Variants in GMIP observed in about 807,000 individuals in gnomAD.
GMIP encodes GEM-interacting protein.
In GMIP, 54 loss-of-function variants were observed where a neutral mutation model predicts 105.3. The observed-to-expected ratio is 0.51, with a 90% CI of 0.41 to 0.64. GMIP has a LOEUF of 0.64. Among genes scored for constraint, GMIP ranks in the 30% least tolerant of loss-of-function variants. GMIP has a pLI of 0.00. For missense variants in GMIP, 1,110 were observed against 1,319.4 expected (o/e 0.84, Z 2.46); for synonymous variants, 541 against 560.8 (o/e 0.96, Z 0.50).
rs572368114 is a variant in GMIP at position 19,631,154 on chromosome 19, T to C, written c.2473-617A>G. The stretch of plus-strand genomic sequence containing the variant: ...AGGTGGAGATTGCAGTGAGCTCAGA[T>C]CATGCCCCTGCACTCCAGTCTGGGT... On this transcript the variant is annotated intron_variant, in intron 19 of 20. Coordinates refer to ENST00000203556, the MANE Select transcript of GMIP (RefSeq NM_016573.4). 1.4e-4 allele frequency among the ~76,000 whole-genome samples: 22 copies of C among 152,160 alleles called. 1 individual carries two copies. The South Asian group carries it at 4.6e-3, about 32-fold the overall frequency.
At position 19,641,992 on chromosome 19, in the gene GMIP, G is replaced by T; in HGVS notation, c.164C>A (p.Thr55Asn). ...CCCACTCACAACAGTGGCTGTAGGG[G>T]TCTTGTCAGGTTCTGGGTCTTCTGA... ...LLSEDPEPDKTPTATVTNEAS... is the reference protein window; with the variant it reads ...LLSEDPEPDKNPTATVTNEAS... The change falls in exon 3 of 21, where the codon ACC (threonine) becomes AAC (asparagine). Residue 55 changes from threonine to asparagine, a missense_variant. Transcript: ENST00000203556. 1 of 1,613,236 alleles carries T rather than the reference G, an allele frequency of 6.2e-7. No homozygotes were observed. Among genetic ancestry groups the T allele is most frequent in the Non-Finnish European group, 8.5e-7 (1 of 1,179,212 alleles).
In GMIP at chr19:19,633,896, T is replaced by A; in HGVS notation, c.2379A>T (p.Pro793=). ...SSQPPPPHLD[P]DSQPPVLASD... is the part of the protein sequence containing the mutation. Reference sequence around the variant, plus strand: ...AGGCTAGGACTGGGGGCTGGGAGTCTGGGTCAAGGTGCGGGGGTGGCGGTT... The same window carrying A: ...AGGCTAGGACTGGGGGCTGGGAGTCAGGGTCAAGGTGCGGGGGTGGCGGTT... Residue 793 remains proline (P), a synonymous_variant, in exon 19 of 21, where the codon CCA becomes CCT. Transcript: ENST00000203556. The A allele has an allele frequency of 7.4e-7, 1 of 1,359,606 alleles. No individual in the cohort carries two copies. The highest frequency in any genetic ancestry group is 9.5e-7 in the Non-Finnish European group (1 of 1,047,338). The allele number at this position is 1,359,606 out of a possible 1,614,324, so 84.2% of individuals were successfully genotyped here. A position where few individuals can be genotyped will look rare whatever the true frequency, so the allele number is the denominator to read the frequency against.
intron 19 of GMIP, among the ~76,000 whole-genome samples, chr19:19,632,051 G>A (rs1450144094): frequency 6.6e-6 from 1 of 151,994 alleles, no homozygotes; most frequent in African/African-American, 2.4e-5. Flanking sequence ...AGCACTTTGG[G>A]AGGCTGAGGA....
rs181484364 is a variant in GMIP, at chr19:19,630,531, T to C, written c.2479A>G (p.Thr827Ala). 55 of 1,613,694 alleles carry C rather than the reference T, an allele frequency of 3.4e-5. No homozygotes were observed. Among genetic ancestry groups the C allele is most frequent in the Non-Finnish European group, 4.4e-5 (52 of 1,179,730 alleles). ...TCCTCTCTCTGGTCACTCTGTGGAG[T>C]TGGAATCTGCAGGGAGAAACCCAAG... ...HPTATPTEIPTPQSDQREDVA... is the reference protein window; with the variant it reads ...HPTATPTEIPAPQSDQREDVA... The change falls in exon 20 of 21, where the codon ACT (threonine) becomes GCT (alanine). Residue 827 changes from threonine (T) to alanine (A), a missense_variant. Thr to Ala is a moderately conservative substitution (Grantham distance 58). This residue lies in a region of GMIP where 394 missense variants were observed against 450.5 expected (regional missense o/e 0.87). Transcript: ENST00000203556. The surrounding 1 kb of genome is among the most constrained non-coding windows in gnomAD (Gnocchi z 4.8).
rs1188052680 is a variant in GMIP, at chr19:19,635,381, G to A, written c.1560+34C>T. On this transcript the variant is annotated intron_variant, in intron 15 of 20. Coordinates refer to ENST00000203556, the MANE Select transcript of GMIP (RefSeq NM_016573.4). The surrounding 1 kb of genome is among the most constrained non-coding windows in gnomAD (Gnocchi z 4.7). Reference sequence around the variant, plus strand: ...AGGTCAGGGAGATGATCAAGGGTCAGCAAAGGTCATTTGGTCATTAACCCA... The same window carrying A: ...AGGTCAGGGAGATGATCAAGGGTCAACAAAGGTCATTTGGTCATTAACCCA... 18 of 1,600,120 alleles carry A rather than the reference G, an allele frequency of 1.1e-5. No homozygotes were observed. The East Asian group carries it at 4.0e-4, about 36-fold the overall frequency.
chr19:19,630,050 C>T lies in GMIP; in HGVS notation c.2826G>A (p.Arg942=). The T allele has an allele frequency of 6.2e-7, 1 of 1,609,218 alleles. No homozygotes were observed. Among genetic ancestry groups the T allele is most frequent in the Non-Finnish European group, 8.5e-7 (1 of 1,178,110 alleles). Reference sequence around the variant, plus strand: ...CCTCGCTGTCCAATTTCGAGAGTAGCCGGGCTGTCTCCTGGGTAATCTCAA... The same window carrying T: ...CCTCGCTGTCCAATTTCGAGAGTAGTCGGGCTGTCTCCTGGGTAATCTCAA... ...KHFEITQETA[R]LLSKLDSEAV... Residue 942 remains arginine, a synonymous_variant, in exon 21 of 21, where the codon CGG becomes CGA. Transcript: ENST00000203556. The surrounding 1 kb of genome is among the most constrained non-coding windows in gnomAD (Gnocchi z 4.8).
At chr19:19,631,029 C>T (rs149289162) in intron 19 of GMIP, among the ~76,000 whole-genome samples, 5 of 152,084 alleles carry the variant, frequency 3.3e-5, no homozygotes, top group Non-Finnish European at 5.9e-5. Flanking sequence ...GGTGAAACTC[C>T]GTCTCTACTA....
At position 19,629,532 on chromosome 19, in the gene GMIP, T is replaced by G; in HGVS notation, c.*431A>C. On this transcript the variant is annotated 3_prime_UTR_variant, in exon 21 of 21. Coordinates refer to ENST00000203556, the MANE Select transcript of GMIP (RefSeq NM_016573.4). Reference sequence around the variant, plus strand: ...CCTCAGGCACCACCAGCATGTGGAGTCTGAGCTGCCCACCTCCTCCAGGAA... The same window carrying G: ...CCTCAGGCACCACCAGCATGTGGAGGCTGAGCTGCCCACCTCCTCCAGGAA... 1 of 180,988 alleles carries G rather than the reference T, an allele frequency of 5.5e-6. No homozygotes were observed. Among genetic ancestry groups the G allele is most frequent in the Non-Finnish European group, 1.2e-5 (1 of 85,048 alleles). The allele number at this position is 180,988 out of a possible 1,614,324, so 11.2% of individuals were successfully genotyped here. A position where few individuals can be genotyped will look rare whatever the true frequency, so the allele number is the denominator to read the frequency against.
intron 7 of GMIP, 107 bp from the exon 8 acceptor site, chr19:19,638,589 CTA>C: frequency 2.3e-6 from 2 of 866,534 alleles, no homozygotes; most frequent in Non-Finnish European, 3.5e-6. Context: ...CCTCTGGACT[CTA>C]TTTTTTTTTT....
At position 19,635,397 on chromosome 19, in the gene GMIP, C is replaced by T. The variant is rs768702480; in HGVS notation, c.1560+18G>A. The stretch of plus-strand genomic sequence containing the variant: ...CAAGGGTCAGCAAAGGTCATTTGGT[C>T]ATTAACCCAGGCCACACCTCCTCAC... On this transcript the variant is annotated intron_variant, in intron 15 of 20. Coordinates refer to ENST00000203556, the MANE Select transcript of GMIP (RefSeq NM_016573.4). This position sits in a 1 kb window ranked among gnomAD's most constrained non-coding sequence, Gnocchi z 4.7. 6.2e-7 allele frequency: 1 copy of T among 1,605,726 alleles called. No homozygotes were observed. Among genetic ancestry groups the T allele is most frequent in the East Asian group, 2.2e-5 (1 of 44,816 alleles).
In GMIP at chr19:19,634,766, T is replaced by TC. The variant is rs746723218; in HGVS notation, c.1887+25dup. On this transcript the variant is annotated intron_variant, in intron 17 of 20. Transcript: ENST00000203556. This position sits in a 1 kb window ranked among gnomAD's most constrained non-coding sequence, Gnocchi z 6.1. ...GGGCTGTGGAGGGCTCCTGCCCGCG[T>TC]CCCCCTCAGTGTCCTGAGCACCAAC... 1.9e-6 allele frequency: 3 copies of TC among 1,611,992 alleles called. No individual in the cohort carries two copies. Among genetic ancestry groups the TC allele is most frequent in the Middle Eastern group, 1.7e-4 (1 of 6,056 alleles).
Position 19,635,405 on chromosome 19 carries a change from C to G in GMIP, c.1560+10G>C, listed in dbSNP as rs2304129. ...AGCAAAGGTCATTTGGTCATTAACC[C>G]AGGCCACACCTCCTCACACTCCGTC... On this transcript the variant is annotated intron_variant, in intron 15 of 20. Transcript: ENST00000203556. The surrounding 1 kb of genome is among the most constrained non-coding windows in gnomAD (Gnocchi z 4.7). 101,492 of 1,607,232 alleles carry G rather than the reference C, an allele frequency of 0.063. 4,485 individuals carry two copies. The highest frequency in any genetic ancestry group is 0.21 in the East Asian group (9,438 of 44,826).
rs1030883828 is a variant in GMIP, at chr19:19,635,229, C to T, written c.1561-16G>A. Reference sequence around the variant, plus strand: ...TCAGAAAGCACTGTGGGGAAGGTCACAGGGACAGGGAGGTCATTAGGGACC... The same window carrying T: ...TCAGAAAGCACTGTGGGGAAGGTCATAGGGACAGGGAGGTCATTAGGGACC... On this transcript the variant is annotated splice_polypyrimidine_tract_variant and intron_variant, in intron 15 of 20. Coordinates refer to ENST00000203556, the MANE Select transcript of GMIP (RefSeq NM_016573.4). This position sits in a 1 kb window ranked among gnomAD's most constrained non-coding sequence, Gnocchi z 4.7. 2 of 1,604,590 alleles carry T rather than the reference C, an allele frequency of 1.2e-6. No homozygotes were observed. Among genetic ancestry groups the T allele is most frequent in the East Asian group, 2.2e-5 (1 of 44,614 alleles).
chr19:19,642,628 G>A lies in GMIP; in HGVS notation c.20-9C>T, dbSNP rs751681823. 6 of 1,533,656 alleles carry A rather than the reference G, an allele frequency of 3.9e-6. No individual in the cohort carries two copies. Among genetic ancestry groups the A allele is most frequent in the South Asian group, 2.3e-5 (2 of 88,622 alleles). On this transcript the variant is annotated splice_polypyrimidine_tract_variant and intron_variant, in intron 1 of 20. Transcript: ENST00000203556. ...AGGACCTGGGGGGAGTCCTAGGGGA[G>A]GGGAGTGTAATACATGGGCTAACCA... is the stretch of plus-strand genomic sequence containing the variant.
rs1424639213 is a variant in GMIP at position 19,637,679 on chromosome 19, G to A, written c.928-118C>T. The A allele has an allele frequency of 1.1e-6, 1 of 936,824 alleles. No homozygotes were observed. The highest frequency in any genetic ancestry group is 1.5e-6 in the Non-Finnish European group (1 of 652,362). 58.0% of individuals were successfully genotyped at this position (936,824 alleles called of 1,614,324 possible). On this transcript the variant is annotated intron_variant, in intron 10 of 20. Transcript: ENST00000203556. The surrounding 1 kb of genome is among the most constrained non-coding windows in gnomAD (Gnocchi z 6.7). ...TGGTCAGGGTTTGGGACGCACCTGG[G>A]CGGCTTAGGAACTAGGGCAGTCGGC...
chr19:19,629,871 CG>C lies in GMIP; in HGVS notation c.*91del. 1 of 1,267,272 alleles carries C rather than the reference CG, an allele frequency of 7.9e-7. No individual in the cohort carries two copies. The allele number at this position is 1,267,272 out of a possible 1,614,324, so 78.5% of individuals were successfully genotyped here. A position where few individuals can be genotyped will look rare whatever the true frequency, so the allele number is the denominator to read the frequency against. On this transcript the variant is annotated 3_prime_UTR_variant, in exon 21 of 21. Transcript: ENST00000203556. ...ACCTCTCCCAGCATTGAACTCCTGGCGGGGTGTTTGGCCACTAGGTGGTGGG... is the reference window on the plus strand; with the variant it reads ...ACCTCTCCCAGCATTGAACTCCTGGCGGGTGTTTGGCCACTAGGTGGTGGG...
In GMIP at chr19:19,629,917, C is replaced by A; in HGVS notation, c.*46G>T. The A allele has an allele frequency of 5.8e-6, 9 of 1,563,640 alleles. No individual in the cohort carries two copies. The highest frequency in any genetic ancestry group is 7.8e-6 in the Non-Finnish European group (9 of 1,155,008). ...GGTGGGAGGTAGGGATATATGGGTC[C>A]GTCTTCACAATCTGGGCCTCTTCCT... On this transcript the variant is annotated 3_prime_UTR_variant, in exon 21 of 21. Transcript: ENST00000203556.
rs2061850352 is a variant in GMIP at position 19,635,988 on chromosome 19, G to A, written c.1328-267C>T. ...GGAAGCTGAGGCAGGAGGATCACAT[G>A]AGGCAAGGAGTTTGACACCAGCCTG... is the stretch of plus-strand genomic sequence containing the variant. On this transcript the variant is annotated intron_variant, in intron 13 of 20. Transcript: ENST00000203556. This position sits in a 1 kb window ranked among gnomAD's most constrained non-coding sequence, Gnocchi z 4.7. 6.6e-6 allele frequency among the ~76,000 whole-genome samples: 1 copy of A among 152,062 alleles called. No homozygotes were observed. The highest frequency in any genetic ancestry group is 6.6e-5 in the Admixed American group (1 of 15,252).
Position 19,637,478 on chromosome 19 carries a change from C to A in GMIP, c.1011G>T (p.Ala337=). Residue 337 remains alanine (A), a synonymous_variant, in exon 11 of 21, where the codon GCG becomes GCT. Coordinates refer to ENST00000203556, the MANE Select transcript of GMIP (RefSeq NM_016573.4). This position sits in a 1 kb window ranked among gnomAD's most constrained non-coding sequence, Gnocchi z 6.7. The part of the protein sequence containing the change: ...RAFAALAECC[A]PFEPGQRYQE... ...GGTAGCGCTGGCCCGGCTCAAAGGG[C>A]GCACAGCACTCGGCCAGGGCGGCGA... 1 of 1,539,258 alleles carries A rather than the reference C, an allele frequency of 6.5e-7. No individual in the cohort carries two copies. The highest frequency in any genetic ancestry group is 8.7e-7 in the Non-Finnish European group (1 of 1,143,394).
Sources: allele counts gnomAD v4.1 joint callset (sites outside exome capture counted in the v4.1 genomes callset), GRCh38; gene constraint gnomAD v4.1.1; regional missense constraint gnomAD v4.1.1; non-coding constraint Gnocchi (gnomAD v3.1); transcripts MANE v1.5; gene names NCBI Gene and HGNC (gene_info 2026-07-23, HGNC 2026-07-21).